ARHGEF28: variants seen among roughly 807,000 people sequenced by gnomAD.
The protein encoded by ARHGEF28 is 190 kDa guanine nucleotide exchange factor.
ARHGEF28 carries 152 observed loss-of-function variants against 206.6 expected under a neutral mutation model. The ratio of observed to expected loss-of-function variants is 0.74; its 90% CI spans 0.64 to 0.84. The LOEUF (loss-of-function observed/expected upper bound fraction) is 0.84. Among genes scored for constraint, ARHGEF28 ranks in the 40% least tolerant of loss-of-function variants. The pLI, the probability that ARHGEF28 is intolerant of heterozygous loss-of-function variation, is 0.00. For missense variants in ARHGEF28, 2,028 were observed against 2,073.2 expected (o/e 0.98, Z 0.42); for synonymous variants, 763 against 776.4 (o/e 0.98, Z 0.29).
At chr5:73,635,388 G>C (rs1743643045) in intron 1 of ARHGEF28, among the ~76,000 whole-genome samples, 1 of 152,082 alleles carries the variant, frequency 6.6e-6, no homozygotes, top group Non-Finnish European at 1.5e-5. Context: ...ATTTATGTAT[G>C]AGTGGAAAAT....
rs371786293 is a variant in ARHGEF28, at chr5:73,883,905, T to C, written c.3055+21T>C. ...AAAGGGTAAGTTGTGACTTCTGGGATAAAAATTTGCCCCTCTTATTAGTTT... is the reference window on the plus strand; with the variant it reads ...AAAGGGTAAGTTGTGACTTCTGGGACAAAAATTTGCCCCTCTTATTAGTTT... On this transcript the variant is annotated intron_variant, in intron 24 of 35. Transcript: ENST00000513042. 90 of 1,449,318 alleles carry C rather than the reference T, an allele frequency of 6.2e-5. No individual in the cohort carries two copies. The African/African-American group carries it at 1.2e-3, about 20-fold the overall frequency. The allele number at this position is 1,449,318 out of a possible 1,614,324, so 89.8% of individuals were successfully genotyped here.
rs115925372 is a variant in ARHGEF28 at position 73,695,438 on chromosome 5, C to T, written c.33+10554C>T. Among the ~76,000 whole-genome samples, 6 of 152,270 alleles carry T rather than the reference C, an allele frequency of 3.9e-5. No individual in the cohort carries two copies. In the East Asian group the frequency reaches 1.2e-3, roughly 29 times the overall value. On this transcript the variant is annotated intron_variant, in intron 2 of 35. Transcript: ENST00000513042. ...AAAGACTCCCACATGTGGGCCCTCT[C>T]GTCTTGACCTCTGCCCAGGCCTCGT... is the stretch of plus-strand genomic sequence containing the variant.
intron 21 of ARHGEF28, among the ~76,000 whole-genome samples, chr5:73,872,287 T>C (rs536694568): frequency 6.6e-6 from 1 of 152,334 alleles, no homozygotes; most frequent in South Asian, 2.1e-4. Flanking sequence ...TATATCCTTT[T>C]GGAGAAACAT....
chr5:73,877,972 G>T (rs2112655951), intron 22 of ARHGEF28, among the ~76,000 whole-genome samples: 1 of 152,186 alleles, frequency 6.6e-6, no homozygotes, highest in Non-Finnish European at 1.5e-5. Context: ...CAATTCCTGG[G>T]TATCCTTGTT....
chr5:73,880,502 A>G (rs978069244), intron 22 of ARHGEF28, among the ~76,000 whole-genome samples: 3 of 152,158 alleles, frequency 2.0e-5, no homozygotes, highest in Admixed American at 1.3e-4. Flanking sequence ...AAATGCAGAA[A>G]TCACCCGTCT....
At chr5:73,927,471 C>A (rs1473565585) in intron 35 of ARHGEF28, among the ~76,000 whole-genome samples, 2 of 152,138 alleles carry the variant, frequency 1.3e-5, no homozygotes, top group Non-Finnish European at 2.9e-5. Context: ...TTTGTATGCA[C>A]TAAACAATTT....
At chr5:73,682,953 A>G (rs754374) in intron 1 of ARHGEF28, among the ~76,000 whole-genome samples, 25,179 of 151,996 alleles carry the variant, frequency 0.17, 2,735 homozygotes, top group Non-Finnish European at 0.24. Flanking sequence ...CCCATTTAGA[A>G]TTCTCTTGCA....
chr5:73,699,353 A>G (rs1353531018), intron 2 of ARHGEF28, among the ~76,000 whole-genome samples: 1 of 151,854 alleles, frequency 6.6e-6, no homozygotes, highest in African/African-American at 2.4e-5. Flanking sequence ...TGTGCAGATC[A>G]ATAATAAGGG....
At chr5:73,914,765 G>A (rs1025899286) in intron 35 of ARHGEF28, among the ~76,000 whole-genome samples, 9 of 151,982 alleles carry the variant, frequency 5.9e-5, no homozygotes, top group African/African-American at 1.2e-4. Flanking sequence ...TCACTCTGTC[G>A]CCCAGGTTGG....
intron 2 of ARHGEF28, among the ~76,000 whole-genome samples, chr5:73,722,367 A>T (rs1750011547): frequency 6.6e-6 from 1 of 152,254 alleles, no homozygotes; most frequent in Non-Finnish European, 1.5e-5. Flanking sequence ...TGCTGTGTCC[A>T]AAGCTGCACA....
At chr5:73,734,573 TA>T (rs752408516) in intron 2 of ARHGEF28, among the ~76,000 whole-genome samples, 2 of 152,140 alleles carry the variant, frequency 1.3e-5, no homozygotes, top group Non-Finnish European at 2.9e-5. Flanking sequence ...ATAGCACAGG[TA>T]ACATTTCTCT....
intron 2 of ARHGEF28, among the ~76,000 whole-genome samples, chr5:73,740,193 AAAG>A (rs1380812712): frequency 7.3e-5 from 11 of 151,576 alleles, no homozygotes; most frequent in African/African-American, 2.4e-4. Flanking sequence ...AAAAAAAAAA[AAAG>A]AAGGAGAAGC....
chr5:73,924,144 A>T (rs559891338), intron 35 of ARHGEF28, among the ~76,000 whole-genome samples: 1 of 152,336 alleles, frequency 6.6e-6, no homozygotes, highest in African/African-American at 2.4e-5. Context: ...ACACTTTTCC[A>T]ATGTAATGAG....
At chr5:73,729,900 G>C (rs1750504932) in intron 2 of ARHGEF28, among the ~76,000 whole-genome samples, 1 of 152,138 alleles carries the variant, frequency 6.6e-6, no homozygotes, top group African/African-American at 2.4e-5. Flanking sequence ...ATAGTAGATA[G>C]GCCTGAATTC....
intron 9 of ARHGEF28, among the ~76,000 whole-genome samples, chr5:73,801,521 C>T (rs1372038601): frequency 6.6e-6 from 1 of 151,946 alleles, no homozygotes; most frequent in African/African-American, 2.4e-5. Context: ...AGCTGTGACC[C>T]CTGTGAGTGG....
chr5:73,771,589 T>C (rs1180911425), intron 4 of ARHGEF28, among the ~76,000 whole-genome samples: 2 of 151,858 alleles, frequency 1.3e-5, no homozygotes, highest in East Asian at 1.9e-4. Context: ...GTATGCCTGG[T>C]TAATATCTCA....
In ARHGEF28 at chr5:73,911,309, A is replaced by T. The variant is rs1363360655; in HGVS notation, c.4682A>T (p.His1561Leu). The T allele has an allele frequency of 6.2e-7, 1 of 1,605,344 alleles. No individual in the cohort carries two copies. Among genetic ancestry groups the T allele is most frequent in the Non-Finnish European group, 8.5e-7 (1 of 1,175,176 alleles). The change falls in exon 35 of 36, where the codon CAT becomes CTT. Residue 1561 changes from histidine to leucine, a missense_variant. Coordinates refer to ENST00000513042, the MANE Select transcript of ARHGEF28 (RefSeq NM_001177693.2). ...MELNRSESLC[H>L]ENSFFINEAL... ...CTTAATCGATCTGAGAGTTTATGTC[A>T]TGAAAACTCATTCTTCATCAATGAA...
rs1751943865 is a variant in ARHGEF28 at position 73,750,004 on chromosome 5, G to T, written c.181+20G>T. On this transcript the variant is annotated intron_variant, in intron 3 of 35. Transcript: ENST00000513042. ...TCCCAGGTGAGGTGTCCTCTTTGTT[G>T]TGCAGCTGGGAAATTAGTCTGCAAA... The T allele has an allele frequency of 6.2e-7, 1 of 1,610,514 alleles. No individual in the cohort carries two copies. The highest frequency in any genetic ancestry group is 1.3e-5 in the African/African-American group (1 of 74,818).
At chr5:73,852,539 T>C in intron 13 of ARHGEF28, 111 bp from the exon 14 acceptor site, 1 of 886,196 alleles carries the variant, frequency 1.1e-6, no homozygotes. Flanking sequence ...CATTATTTTC[T>C]AGCTGGTAGT....
Sources: gnomAD v4.1 joint callset for allele counts (sites outside exome capture counted in the v4.1 genomes callset) on GRCh38, gnomAD v4.1.1 for gene constraint, MANE v1.5 for transcripts, NCBI Gene and HGNC (gene_info 2026-07-23, HGNC 2026-07-21) for gene names.